Variants in FAM227B observed in about 807,000 individuals in gnomAD.
The protein encoded by FAM227B is family with sequence similarity 227 member B.
In FAM227B, 88 loss-of-function variants were observed where a neutral mutation model predicts 73.8. The ratio of observed to expected loss-of-function variants is 1.19; its 90% CI spans 1.00 to 1.42. The LOEUF is 1.42. Among genes scored for constraint, FAM227B ranks in the 40% most tolerant of loss-of-function variants. FAM227B has a pLI of 0.00. For synonymous variants in FAM227B, 210 were observed against 190.5 expected, an observed-to-expected ratio of 1.10 and a Z score of -0.84; for missense variants, 632 against 590.9, an observed-to-expected ratio of 1.07 and a Z score of -0.72.
chr15:49,541,573 G>C (rs2152272098), intron 10 of FAM227B, 107 bp downstream of exon 10: 1 of 1,024,080 alleles, frequency 9.8e-7, no homozygotes. Flanking sequence ...GGCATGCTTT[G>C]TAAGAAAAAG....
At chr15:49,489,788 ATATATATATATATTT>A (rs1361559555) in intron 11 of FAM227B, among the ~76,000 whole-genome samples, 6 of 86,656 alleles carry the variant, frequency 6.9e-5, no homozygotes, top group African/African-American at 2.4e-4. Flanking sequence ...AGAACAGGAG[ATATATATATATATTT>A]TATATATATA....
At chr15:49,509,911 C>G (rs1442566076) in intron 10 of FAM227B, among the ~76,000 whole-genome samples, 1 of 152,004 alleles carries the variant, frequency 6.6e-6, no homozygotes, top group African/African-American at 2.4e-5. Context: ...TTTCATTTTT[C>G]ATTTTATAAA....
intron 5 of FAM227B, among the ~76,000 whole-genome samples, chr15:49,583,833 A>C (rs1234796564): frequency 6.6e-6 from 1 of 152,202 alleles, no homozygotes; most frequent in Non-Finnish European, 1.5e-5. Context: ...ATCCCTGAAC[A>C]GACCAATAAT....
intron 11 of FAM227B, among the ~76,000 whole-genome samples, chr15:49,421,776 C>T (rs527265812): frequency 4.6e-5 from 7 of 152,298 alleles, no homozygotes; most frequent in African/African-American, 1.7e-4. Context: ...ACCTCCCAAA[C>T]TAGCGGAGTG....
intron 13 of FAM227B, among the ~76,000 whole-genome samples, chr15:49,355,173 A>G (rs1308269941): frequency 6.6e-6 from 1 of 152,102 alleles, no homozygotes; most frequent in Admixed American, 6.5e-5. Flanking sequence ...AACTCTAAAA[A>G]GCAGAGCGCC....
At chr15:49,412,717 A>G (rs2048952056) in intron 11 of FAM227B, among the ~76,000 whole-genome samples, 1 of 152,110 alleles carries the variant, frequency 6.6e-6, no homozygotes, top group Non-Finnish European at 1.5e-5. Flanking sequence ...ATCCTTAATT[A>G]GAAAAATGAG....
At chr15:49,392,012 T>G (rs1489214480) in intron 11 of FAM227B, among the ~76,000 whole-genome samples, 1 of 152,058 alleles carries the variant, frequency 6.6e-6, no homozygotes, top group African/African-American at 2.4e-5. Flanking sequence ...TTAGTAACAG[T>G]AGACAACGAG....
At chr15:49,511,747 TTCCAGATGCA>T in intron 10 of FAM227B, among the ~76,000 whole-genome samples, 1 of 152,282 alleles carries the variant, frequency 6.6e-6, no homozygotes, top group Non-Finnish European at 1.5e-5. Flanking sequence ...GGAAAACAGC[TTCCAGATGCA>T]TCCATATCCT....
intron 3 of FAM227B, among the ~76,000 whole-genome samples, chr15:49,600,334 A>C (rs1237558385): frequency 6.6e-6 from 1 of 150,488 alleles, no homozygotes; most frequent in African/African-American, 2.5e-5. Flanking sequence ...TGCAGCATAT[A>C]GCTGTTTCTT....
At chr15:49,540,747 T>C (rs577204168) in intron 10 of FAM227B, among the ~76,000 whole-genome samples, 3 of 152,236 alleles carry the variant, frequency 2.0e-5, no homozygotes, top group South Asian at 2.1e-4. Context: ...GTTCATAACA[T>C]GTCTGTAGAA....
intron 11 of FAM227B, among the ~76,000 whole-genome samples, chr15:49,489,905 G>C (rs1221611449): frequency 5.5e-4 from 17 of 30,984 alleles, no homozygotes; most frequent in Admixed American, 3.0e-3. Context: ...GAGAGAGAGA[G>C]AGAGAGAGAC....
chr15:49,571,663 T>C (rs1220589104), intron 8 of FAM227B, among the ~76,000 whole-genome samples: 1 of 152,006 alleles, frequency 6.6e-6, no homozygotes, highest in African/African-American at 2.4e-5. Context: ...TGTAAACGCG[T>C]AGATTCATTT....
At position 49,372,100 on chromosome 15, in the gene FAM227B, GAAATA is replaced by G. The variant is rs1312292849; in HGVS notation, c.1013-706_1013-702del. Among the ~76,000 whole-genome samples the G allele has an allele frequency of 4.7e-5, 4 of 84,918 alleles. 1 individual carries two copies. The highest frequency in any genetic ancestry group is 8.1e-4 in the South Asian group (2 of 2,460). 55.7% of individuals were successfully genotyped at this position (84,918 alleles called of 152,430 possible). Reference sequence around the variant, plus strand: ...AAATAAAATTCATTTATAAATAAATGAAATAAAATTCATTTATAAATAAATGAAAT... The same window carrying G: ...AAATAAAATTCATTTATAAATAAATGAAATTCATTTATAAATAAATGAAAT... On this transcript the variant is annotated intron_variant, in intron 11 of 15. Coordinates refer to ENST00000299338, the MANE Select transcript of FAM227B (RefSeq NM_152647.3).
At chr15:49,545,764 G>A (rs2071750269) in intron 9 of FAM227B, among the ~76,000 whole-genome samples, 1 of 152,032 alleles carries the variant, frequency 6.6e-6, no homozygotes, top group African/African-American at 2.4e-5. Context: ...GATCATTCAG[G>A]AGCAGATTAT....
chr15:49,588,817 A>T (rs2076352040), intron 4 of FAM227B, among the ~76,000 whole-genome samples: 1 of 151,036 alleles, frequency 6.6e-6, no homozygotes. Flanking sequence ...ATAAACTTTT[A>T]AAAATTTACA....
At chr15:49,456,940 C>T (rs959142912) in intron 11 of FAM227B, among the ~76,000 whole-genome samples, 3 of 152,072 alleles carry the variant, frequency 2.0e-5, no homozygotes, top group African/African-American at 7.2e-5. Context: ...AAGATACCTT[C>T]ATATTATAGA....
At chr15:49,448,393 A>G (rs2052414783) in intron 11 of FAM227B, among the ~76,000 whole-genome samples, 1 of 151,272 alleles carries the variant, frequency 6.6e-6, no homozygotes, top group African/African-American at 2.4e-5. Flanking sequence ...TCTTTGCTTT[A>G]ACTAACCACA....
intron 11 of FAM227B, among the ~76,000 whole-genome samples, chr15:49,372,468 T>C (rs1378610086): frequency 2.0e-5 from 3 of 152,174 alleles, no homozygotes; most frequent in Non-Finnish European, 4.4e-5. Flanking sequence ...TCCAAAGCAA[T>C]GACCCTCTAA....
At chr15:49,348,019 CAA>C (rs67614443) in intron 13 of FAM227B, among the ~76,000 whole-genome samples, 882 of 70,054 alleles carry the variant, frequency 0.013, 2 homozygotes, top group Middle Eastern at 0.083. Flanking sequence ...AACTCTGTCT[CAA>C]AAAAAAAAAA....
Sources: gnomAD v4.1 joint callset for allele counts (sites outside exome capture counted in the v4.1 genomes callset) on GRCh38, gnomAD v4.1.1 for gene constraint, MANE v1.5 for transcripts, NCBI Gene and HGNC (gene_info 2026-07-23, HGNC 2026-07-21) for gene names.